The following NLRC5 variants were observed in gnomAD, a reference collection of about 807,000 sequenced individuals.
The protein encoded by NLRC5 is protein NLRC5.
Under a neutral mutation model 206.9 loss-of-function variants are expected in NLRC5, and 114 were observed. The ratio of observed to expected loss-of-function variants is 0.55; its 90% confidence interval spans 0.47 to 0.64. The LOEUF (loss-of-function observed/expected upper bound fraction) is 0.64, where lower values mean the gene tolerates loss of function less well. Among genes scored for constraint, NLRC5 ranks in the 30% least tolerant of loss-of-function variants. NLRC5 has a pLI of 0.00. For synonymous variants in NLRC5, 952 were observed against 962.8 expected (o/e 0.99, Z 0.21); for missense variants, 2,008 against 2,305.5 (o/e 0.87, Z 2.64).
At position 57,055,015 on chromosome 16, in the gene NLRC5, G is replaced by T; in HGVS notation, c.3597-17G>T. On this transcript the variant is annotated splice_polypyrimidine_tract_variant and intron_variant, in intron 25 of 48. Coordinates refer to ENST00000688547, the MANE Select transcript of NLRC5 (RefSeq NM_001384950.1). ...GCTGTGGCCACAGCTGTCTGACCCAGGTCCTGTCTGATCCAGGTCCCTGCA... is the reference window on the plus strand; with the variant it reads ...GCTGTGGCCACAGCTGTCTGACCCATGTCCTGTCTGATCCAGGTCCCTGCA... 1 of 1,614,146 alleles carries T rather than the reference G, an allele frequency of 6.2e-7. No individual in the cohort carries two copies. Among genetic ancestry groups the T allele is most frequent in the Non-Finnish European group, 8.5e-7 (1 of 1,180,016 alleles).
chr16:57,060,359 C>G (rs963734142), intron 30 of NLRC5, among the ~76,000 whole-genome samples: 1 of 151,920 alleles, frequency 6.6e-6, no homozygotes, highest in East Asian at 1.9e-4. Context: ...CCCACCTCCC[C>G]CACACCACAC....
At chr16:57,001,540 G>A (rs181601445) in intron 1 of NLRC5, among the ~76,000 whole-genome samples, 328 of 152,356 alleles carry the variant, frequency 2.2e-3, no homozygotes, top group African/African-American at 7.7e-3. Flanking sequence ...GACGGAAGAA[G>A]CGATAGCAAC....
intron 4 of NLRC5, among the ~76,000 whole-genome samples, chr16:57,023,570 C>T (rs2060909493): frequency 6.6e-6 from 1 of 152,172 alleles, no homozygotes; most frequent in African/African-American, 2.4e-5. Context: ...CCCAGAACAT[C>T]CACCTTCCAA....
chr16:57,035,512 A>C (rs1442844762), intron 13 of NLRC5, among the ~76,000 whole-genome samples: 1 of 152,102 alleles, frequency 6.6e-6, no homozygotes, highest in East Asian at 1.9e-4. Flanking sequence ...GCTCTCTTTC[A>C]GGTCCTCATA....
At chr16:57,061,079 T>G (rs1015313459) in intron 30 of NLRC5, among the ~76,000 whole-genome samples, 1 of 152,256 alleles carries the variant, frequency 6.6e-6, no homozygotes, top group Admixed American at 6.5e-5. Context: ...TTCTTTCTTA[T>G]CTGCTGTGTG....
intron 17 of NLRC5, 119 bp from the exon 18 acceptor site, chr16:57,041,366 C>A: frequency 1.3e-6 from 1 of 754,590 alleles, no homozygotes; most frequent in Admixed American, 2.5e-5. Flanking sequence ...CAGATACATC[C>A]CAGTCCCTCC....
chr16:57,080,984 C>G, intron 46 of NLRC5, 114 bp from the exon 47 acceptor site: 1 of 885,310 alleles, frequency 1.1e-6, no homozygotes, highest in Non-Finnish European at 1.8e-6. Flanking sequence ...GGTGGCCTCT[C>G]TTGAAAACCC....
At chr16:57,047,678 A>C in intron 23 of NLRC5, 50 bp downstream of exon 23, 2 of 1,501,888 alleles carry the variant, frequency 1.3e-6, no homozygotes, top group Non-Finnish European at 1.8e-6. Flanking sequence ...GGATCTGCCC[A>C]GTGACCTGGG....
At chr16:57,001,189 G>C (rs1180736044) in intron 1 of NLRC5, among the ~76,000 whole-genome samples, 1 of 152,148 alleles carries the variant, frequency 6.6e-6, no homozygotes, top group Non-Finnish European at 1.5e-5. Context: ...TCCTCCCCCA[G>C]GGTCCCCAGG....
intron 46 of NLRC5, among the ~76,000 whole-genome samples, chr16:57,080,155 C>A (rs755092304): frequency 3.3e-5 from 5 of 152,146 alleles, no homozygotes; most frequent in Non-Finnish European, 7.4e-5. Flanking sequence ...GGACCCTAAC[C>A]ATGGTATGGA....
rs1256871535 is a variant in NLRC5, at chr16:57,077,287, T to TC, written c.4836-4dup. ...GCAGAAGGCTGATGAAGCTGTTTTC[T>TC]CCCCCAAGCTTGAGCCACAACCAGA... On this transcript the variant is annotated splice_polypyrimidine_tract_variant and intron_variant, in intron 40 of 48. Transcript: ENST00000688547. The TC allele has an allele frequency of 9.3e-6, 15 of 1,613,418 alleles. No individual in the cohort carries two copies. Among genetic ancestry groups the TC allele is most frequent in the Non-Finnish European group, 1.3e-5 (15 of 1,179,456 alleles).
chr16:56,998,543 AG>A (rs1445103685), intron 1 of NLRC5, among the ~76,000 whole-genome samples: 2 of 152,132 alleles, frequency 1.3e-5, no homozygotes, highest in African/African-American at 4.8e-5. Flanking sequence ...AGGCCCAGAG[AG>A]GCTATGTAAC....
In NLRC5 at chr16:57,059,505, G is replaced by C; in HGVS notation, c.3959G>C (p.Arg1320Thr). Residue 1320 changes from arginine to threonine, a missense_variant, in exon 30 of 49, where the codon AGA becomes ACA. Arg to Thr is a moderately conservative substitution (Grantham distance 71). Coordinates refer to ENST00000688547, the MANE Select transcript of NLRC5 (RefSeq NM_001384950.1). ...SEQSFRIHFS[R>T]EDQAGKTLRL... ...CAGAGCTTCCGGATTCACTTCTCCA[G>C]AGAGGACCAGGCTGGGAAGACACTC... 1 of 1,612,288 alleles carries C rather than the reference G, an allele frequency of 6.2e-7. No individual in the cohort carries two copies. Among genetic ancestry groups the C allele is most frequent in the Non-Finnish European group, 8.5e-7 (1 of 1,179,226 alleles).
At chr16:57,021,533 G>T (rs62035544) in intron 3 of NLRC5, among the ~76,000 whole-genome samples, 14,937 of 152,056 alleles carry the variant, frequency 0.098, 823 homozygotes, top group Non-Finnish European at 0.098. Context: ...ACCACATTAG[G>T]CTAATTTTTC....
intron 1 of NLRC5, among the ~76,000 whole-genome samples, chr16:56,997,855 A>G (rs1412996097): frequency 2.0e-5 from 3 of 152,210 alleles, no homozygotes; most frequent in Non-Finnish European, 2.9e-5. Context: ...TACTGGGATC[A>G]CAGGTGTGAG....
intron 2 of NLRC5, among the ~76,000 whole-genome samples, chr16:57,017,981 T>C (rs1473185284): frequency 3.1e-4 from 47 of 152,236 alleles, no homozygotes; most frequent in Admixed American, 3.0e-3. Context: ...GTGCTTTTTC[T>C]CCTGAGGATG....
At chr16:57,066,788 C>T (rs1481056222) in intron 34 of NLRC5, among the ~76,000 whole-genome samples, 174 bp downstream of exon 34, 4 of 152,202 alleles carry the variant, frequency 2.6e-5, no homozygotes, top group Admixed American at 2.0e-4. Context: ...CACTCCAGGC[C>T]CCAGTCTCAG....
chr16:57,067,697 C>T, intron 35 of NLRC5, 39 bp from the exon 36 acceptor site: 1 of 1,587,552 alleles, frequency 6.3e-7, no homozygotes, highest in Non-Finnish European at 8.7e-7. Context: ...GAGGTGTGTC[C>T]AGCCTGAAAT....
intron 1 of NLRC5, chr16:57,013,427 T>G (rs1325726478): frequency 7.6e-6 from 5 of 656,376 alleles, no homozygotes; most frequent in Non-Finnish European, 1.4e-5. Flanking sequence ...TTCTGATAAG[T>G]TCCAAAGTGT....
Sources: allele counts gnomAD v4.1 joint callset (sites outside exome capture counted in the v4.1 genomes callset), GRCh38; gene constraint gnomAD v4.1.1; transcripts MANE v1.5; gene names NCBI Gene and HGNC (gene_info 2026-07-23, HGNC 2026-07-21).